Variants in DZIP1L observed in about 807,000 individuals in gnomAD.
DZIP1L encodes the protein DAZ interacting zinc finger protein 1 like, also known as cilium assembly protein DZIP1L.
Under a neutral mutation model 88.7 loss-of-function variants are expected in DZIP1L, and 90 were observed. That is an observed-to-expected ratio of 1.02 (90% CI 0.86 to 1.21). DZIP1L has a LOEUF of 1.21. DZIP1L is among the 50% of genes most tolerant of loss of function. DZIP1L has a pLI of 0.00. For missense variants in DZIP1L, 932 were observed against 955.8 expected (o/e 0.98, Z 0.33); for synonymous variants, 363 against 372.1 (o/e 0.98, Z 0.28).
chr3:138,063,104 A>T lies in DZIP1L; in HGVS notation c.2143-127T>A. On this transcript the variant is annotated intron_variant, in intron 15 of 15. Coordinates refer to ENST00000327532, the MANE Select transcript of DZIP1L (RefSeq NM_173543.3). The surrounding 1 kb of genome is among the most constrained non-coding windows in gnomAD (Gnocchi z 4.1). ...ACAAATGCAGACTGGGAAGAAAGCA[A>T]TAGGGAGATGCTACTCCTCCTGACT... 1 of 1,030,840 alleles carries T rather than the reference A, an allele frequency of 9.7e-7. No individual in the cohort carries two copies. Among genetic ancestry groups the T allele is most frequent in the Non-Finnish European group, 1.4e-6 (1 of 710,076 alleles). The allele number at this position is 1,030,840 out of a possible 1,614,324, so 63.9% of individuals were successfully genotyped here.
chr3:138,080,453 C>T, intron 10 of DZIP1L, 114 bp downstream of exon 10: 1 of 1,171,366 alleles, frequency 8.5e-7, no homozygotes, highest in South Asian at 1.3e-5. Flanking sequence ...CCTTAGATCC[C>T]TCCACTCCAG....
chr3:138,101,962 C>A, intron 2 of DZIP1L: 1 of 1,539,112 alleles, frequency 6.5e-7, no homozygotes, highest in Non-Finnish European at 9.0e-7. Flanking sequence ...TCAATCTCAG[C>A]CTGGAGCCGG....
chr3:138,084,332 G>C (rs1291921394), intron 7 of DZIP1L, 79 bp from the exon 8 acceptor site: 24 of 1,527,544 alleles, frequency 1.6e-5, no homozygotes, highest in Non-Finnish European at 2.1e-5. Context: ...CTCAGCACCT[G>C]TAGGCAAGTG....
Position 138,067,675 on chromosome 3 carries a change from C to T in DZIP1L, c.1858G>A (p.Asp620Asn), listed in dbSNP as rs764375377. The T allele has an allele frequency of 1.9e-6, 3 of 1,601,988 alleles. No individual in the cohort carries two copies. Among genetic ancestry groups the T allele is most frequent in the South Asian group, 2.2e-5 (2 of 89,098 alleles). The change falls in exon 14 of 16, where the codon GAC becomes AAC. Residue 620 changes from aspartate to asparagine, a missense_variant. Asp to Asn is a conservative substitution (Grantham distance 23). Transcript: ENST00000327532. ...MSTPPFSSEE[D>N]SEGDRVQRVS... ...CGCTGCACACGGTCTCCCTCTGAGTCCTCTTCAGAACTGAACGGGGGCGTG... is the reference window on the plus strand; with the variant it reads ...CGCTGCACACGGTCTCCCTCTGAGTTCTCTTCAGAACTGAACGGGGGCGTG...
intron 2 of DZIP1L, chr3:138,102,117 T>C (rs1445668600): frequency 7.0e-7 from 1 of 1,420,958 alleles, no homozygotes; most frequent in Non-Finnish European, 9.9e-7. Context: ...GATCTCCTTG[T>C]ACTGTGCCTT....
chr3:138,109,680 T>C (rs925330468), intron 1 of DZIP1L, among the ~76,000 whole-genome samples: 2 of 152,200 alleles, frequency 1.3e-5, no homozygotes, highest in Non-Finnish European at 2.9e-5. Context: ...TGCAGCACTA[T>C]TAACAATAGC....
intron 2 of DZIP1L, among the ~76,000 whole-genome samples, chr3:138,100,600 T>C (rs529204006): frequency 2.6e-5 from 4 of 152,324 alleles, no homozygotes; most frequent in African/African-American, 7.2e-5. Flanking sequence ...TCATGGGATC[T>C]GATGCTAACT....
chr3:138,065,481 G>C (rs1338994251), intron 14 of DZIP1L, among the ~76,000 whole-genome samples: 3 of 152,190 alleles, frequency 2.0e-5, no homozygotes, highest in African/African-American at 7.2e-5. Context: ...TTATAACAAA[G>C]GATCAGAAAC....
intron 15 of DZIP1L, 46 bp downstream of exon 15, chr3:138,064,582 T>C (rs768867888): frequency 6.2e-7 from 1 of 1,613,850 alleles, no homozygotes; most frequent in African/African-American, 1.3e-5. Flanking sequence ...TCAGAGCTGG[T>C]TCTGTAGAGA....
chr3:138,103,096 G>A (rs763485964), intron 2 of DZIP1L, among the ~76,000 whole-genome samples: 25 of 151,562 alleles, frequency 1.6e-4, no homozygotes, highest in Non-Finnish European at 3.2e-4. Context: ...CATACACACA[G>A]AGGTACCCTT....
intron 2 of DZIP1L, chr3:138,102,866 G>T: frequency 3.0e-6 from 2 of 666,182 alleles, no homozygotes; most frequent in East Asian, 5.5e-5. Context: ...CTGAAGACCT[G>T]GGGGCCAGAG....
At chr3:138,110,363 A>G (rs1261389110) in intron 1 of DZIP1L, among the ~76,000 whole-genome samples, 1 of 151,936 alleles carries the variant, frequency 6.6e-6, no homozygotes, top group Non-Finnish European at 1.5e-5. Context: ...TGACGAGTTA[A>G]TGGGTACAGT....
intron 14 of DZIP1L, 38 bp from the exon 15 acceptor site, chr3:138,064,805 C>T (rs772991420): frequency 3.9e-6 from 6 of 1,536,644 alleles, no homozygotes; most frequent in Non-Finnish European, 5.2e-6. Flanking sequence ...GTGGGAGAAG[C>T]CTAGAAAATG....
chr3:138,094,326 A>C (rs1576481189), intron 4 of DZIP1L, among the ~76,000 whole-genome samples: 1 of 152,256 alleles, frequency 6.6e-6, no homozygotes, highest in East Asian at 1.9e-4. Flanking sequence ...ATGTGCAAAC[A>C]ATACAATGTC....
intron 6 of DZIP1L, 96 bp downstream of exon 6, chr3:138,088,283 C>T (rs973776778): frequency 1.8e-5 from 26 of 1,439,280 alleles, no homozygotes; most frequent in Admixed American, 2.6e-5. Context: ...CTTTGATGTC[C>T]TTCAACTTCT....
intron 2 of DZIP1L, chr3:138,102,490 T>A: frequency 1.5e-6 from 2 of 1,360,752 alleles, no homozygotes; most frequent in Non-Finnish European, 2.1e-6. Context: ...GTTGTTGATG[T>A]AGCTCTGAAC....
At chr3:138,074,736 A>C (rs1248155811) in intron 11 of DZIP1L, among the ~76,000 whole-genome samples, 1 of 152,104 alleles carries the variant, frequency 6.6e-6, no homozygotes, top group East Asian at 1.9e-4. Flanking sequence ...ATACACGAAA[A>C]AAAAAAAAGG....
Position 138,080,609 on chromosome 3 carries a change from C to T in DZIP1L, c.1246G>A (p.Val416Met). The T allele has an allele frequency of 6.2e-7, 1 of 1,613,540 alleles. No homozygotes were observed. Among genetic ancestry groups the T allele is most frequent in the Non-Finnish European group, 8.5e-7 (1 of 1,179,770 alleles). ...TCCTCTGTGTCCACAGCCTTTGGCA[C>T]CTTGTGGATCCCTGAAGAGAGGAGG... ...SLRKVEGIHKVPKAVDTEEDS... is the reference protein window; with the variant it reads ...SLRKVEGIHKMPKAVDTEEDS... Residue 416 changes from valine (V) to methionine (M), a missense_variant, in exon 10 of 16, where the codon GTG becomes ATG. By Grantham distance (21) the Val-to-Met change is conservative. Transcript: ENST00000327532.
Position 138,104,050 on chromosome 3 carries a change from G to A in DZIP1L, c.-79C>T. 1 of 1,521,182 alleles carries A rather than the reference G, an allele frequency of 6.6e-7. No individual in the cohort carries two copies. Among genetic ancestry groups the A allele is most frequent in the South Asian group, 1.3e-5 (1 of 76,142 alleles). 94.2% of individuals were successfully genotyped at this position (1,521,182 alleles called of 1,614,324 possible). A position where few individuals can be genotyped will look rare whatever the true frequency, so the allele number is the denominator to read the frequency against. ...GCAGTAGGCCAAGGAGCTGAGAGAA[G>A]GCCTGGAAAATAAGAAGAGAGTCCA... On this transcript the variant is annotated splice_region_variant and 5_prime_UTR_variant, in exon 2 of 16. Transcript: ENST00000327532.
Sources: gnomAD v4.1 joint callset for allele counts (sites outside exome capture counted in the v4.1 genomes callset) on GRCh38, gnomAD v4.1.1 for gene constraint, Gnocchi (gnomAD v3.1) non-coding constraint, MANE v1.5 for transcripts, NCBI Gene and HGNC (gene_info 2026-07-23, HGNC 2026-07-21) for gene names.